Variants in MBD3 observed in about 807,000 individuals in gnomAD.
MBD3 encodes the protein methyl-CpG binding domain protein 3, also known as methyl-CpG-binding domain protein 3.
A neutral mutation model predicts 31.2 loss-of-function variants in MBD3; 13 were observed. The ratio of observed to expected loss-of-function variants is 0.42; its 90% CI spans 0.27 to 0.66. MBD3 has a LOEUF of 0.66. Ranked by LOEUF, MBD3 falls within the 30% of genes least tolerant of loss-of-function variation. MBD3 has a pLI of 0.26. For synonymous variants in MBD3, 223 were observed against 187.4 expected, an observed-to-expected ratio of 1.19 and a Z score of -1.55; for missense variants, 440 against 426.5, an observed-to-expected ratio of 1.03 and a Z score of -0.28.
At chr19:1,591,832 A>G (rs959287990) in intron 1 of MBD3, among the ~76,000 whole-genome samples, 4 of 151,732 alleles carry the variant, frequency 2.6e-5, no homozygotes, top group Admixed American at 6.6e-5. Flanking sequence ...CAATTTGGGG[A>G]CGGGGGGGTC....
intron 3 of MBD3, among the ~76,000 whole-genome samples, chr19:1,582,995 G>A (rs1012798674): frequency 1.1e-4 from 16 of 152,156 alleles, no homozygotes; most frequent in Non-Finnish European, 1.9e-4. Context: ...CCTGAGGTCA[G>A]GAGTTTGAGA....
In MBD3 at chr19:1,578,234, A is replaced by G; in HGVS notation, c.*6-76T>C. ...CTTGGGCTCTTCTAGGGAGATGGGA[A>G]GCTCTTGGGAGGCACCCGTCATCCC... On this transcript the variant is annotated intron_variant, in intron 6 of 6. Coordinates refer to ENST00000434436, the MANE Select transcript of MBD3 (RefSeq NM_001281453.2). The surrounding 1 kb of genome is among the most constrained non-coding windows in gnomAD (Gnocchi z 6.1). The G allele has an allele frequency of 6.5e-7, 1 of 1,547,118 alleles. No homozygotes were observed. The highest frequency in any genetic ancestry group is 8.8e-7 in the Non-Finnish European group (1 of 1,138,810).
chr19:1,591,713 G>A lies in MBD3; in HGVS notation c.110+809C>T, dbSNP rs973831326. On this transcript the variant is annotated intron_variant, in intron 1 of 6. Coordinates refer to ENST00000434436, the MANE Select transcript of MBD3 (RefSeq NM_001281453.2). Reference sequence around the variant, plus strand: ...CCCGAGCCAGGAAAAAAAAAAAAAAGAGGACAAACAGCAGGTGGCCGACTG... The same window carrying A: ...CCCGAGCCAGGAAAAAAAAAAAAAAAAGGACAAACAGCAGGTGGCCGACTG... Among the ~76,000 whole-genome samples the A allele has an allele frequency of 1.4e-3, 219 of 151,226 alleles. 1 individual carries two copies. The highest frequency in any genetic ancestry group is 5.1e-3 in the African/African-American group (209 of 41,284).
chr19:1,592,687 TCGCCGC>T lies in MBD3; in HGVS notation c.-62_-57del. The T allele has an allele frequency of 1.6e-6, 1 of 642,176 alleles. No individual in the cohort carries two copies. The highest frequency in any genetic ancestry group is 2.0e-6 in the Non-Finnish European group (1 of 501,356). The allele number at this position is 642,176 out of a possible 1,614,324, so 39.8% of individuals were successfully genotyped here. A position where few individuals can be genotyped will look rare whatever the true frequency, so the allele number is the denominator to read the frequency against. Reference sequence around the variant, plus strand: ...CCGCCGCCGCCGCCCGGACCCCCACTCGCCGCCGCCGCCTCAGCTGCCTCCGCTGCC... The same window carrying T: ...CCGCCGCCGCCGCCCGGACCCCCACTCGCCGCCTCAGCTGCCTCCGCTGCC... On this transcript the variant is annotated 5_prime_UTR_variant, in exon 1 of 7. Transcript: ENST00000434436.
chr19:1,583,549 GA>G (rs899124986), intron 3 of MBD3, among the ~76,000 whole-genome samples: 65 of 151,702 alleles, frequency 4.3e-4, no homozygotes, highest in Admixed American at 1.4e-3. Context: ...TATTTGGGGG[GA>G]AAAAAAATAA....
chr19:1,592,533 G>T lies in MBD3; in HGVS notation c.99C>A (p.Val33=). ...RSGLSAGHRD[V]FYYSPSGKKF... ...GCGCGCTCATTCACCTATAGTAAAA[G>T]ACATCCCTGTGGCCGGCCGACAGCC... Residue 33 remains valine, a synonymous_variant, in exon 1 of 7, where the codon GTC becomes GTA. Transcript: ENST00000434436. 1 of 1,430,976 alleles carries T rather than the reference G, an allele frequency of 7.0e-7. No homozygotes were observed. The highest frequency in any genetic ancestry group is 9.4e-7 in the Non-Finnish European group (1 of 1,068,214). 88.6% of individuals were successfully genotyped at this position (1,430,976 alleles called of 1,614,324 possible).
rs139676994 is a variant in MBD3, at chr19:1,592,608, G to A, written c.24C>T (p.Cys8=). MERKRWE[C]PALPQGWERE... is the part of the protein sequence containing the mutation. ...TCTCCCAGCCCTGCGGGAGCGCCGG[G>A]CACTCCCACCTCTTCCGCTCCATTG... The change falls in exon 1 of 7, where the codon TGC becomes TGT. Residue 8 remains cysteine (C), a synonymous_variant. Transcript: ENST00000434436. The A allele has an allele frequency of 5.2e-5, 73 of 1,397,732 alleles. No individual in the cohort carries two copies. The African/African-American group carries it at 6.3e-4, about 12-fold the overall frequency. 86.6% of individuals were successfully genotyped at this position (1,397,732 alleles called of 1,614,324 possible).
In MBD3 at chr19:1,582,707, G is replaced by A; in HGVS notation, c.414C>T (p.Phe138=). 1 of 1,613,372 alleles carries A rather than the reference G, an allele frequency of 6.2e-7. No individual in the cohort carries two copies. Among genetic ancestry groups the A allele is most frequent in the Non-Finnish European group, 8.5e-7 (1 of 1,179,706 alleles). ...QKAVDQPRQL[F]WEKKLSGLNA... ...TCAGGCCGCTCAGCTTCTTCTCCCA[G>A]AAGAGCTGCCCCAGACACATATGTG... Residue 138 remains phenylalanine (F), a synonymous_variant, in exon 4 of 7, where the codon TTC becomes TTT. Transcript: ENST00000434436.
At chr19:1,580,681 G>A (rs980675147) in intron 5 of MBD3, among the ~76,000 whole-genome samples, 4 of 152,160 alleles carry the variant, frequency 2.6e-5, no homozygotes, top group Middle Eastern at 3.2e-3. Context: ...GTTTCTGAGC[G>A]GCCGTGTTCC....
Position 1,585,568 on chromosome 19 carries a change from CCCACCG to C in MBD3, c.111-360_111-355del. 3.1e-6 allele frequency: 1 copy of C among 318,678 alleles called. No individual in the cohort carries two copies. Among genetic ancestry groups the C allele is most frequent in the Non-Finnish European group, 6.0e-6 (1 of 166,686 alleles). 19.7% of individuals were successfully genotyped at this position (318,678 alleles called of 1,614,324 possible). ...CAACCCCGGTCCCCTCTGAATCCTC[CCCACCG>C]TAGGCCCTGGCAGCGTCAGGCACAG... On this transcript the variant is annotated intron_variant, in intron 1 of 6. Coordinates refer to ENST00000434436, the MANE Select transcript of MBD3 (RefSeq NM_001281453.2). The surrounding 1 kb of genome is among the most constrained non-coding windows in gnomAD (Gnocchi z 4.1).
Position 1,578,259 on chromosome 19 carries a change from C to T in MBD3, c.*5+76G>A. 6.3e-7 allele frequency: 1 copy of T among 1,590,800 alleles called. No individual in the cohort carries two copies. The highest frequency in any genetic ancestry group is 8.5e-7 in the Non-Finnish European group (1 of 1,174,614). Reference sequence around the variant, plus strand: ...AGCTCTTGGGAGGCACCCGTCATCCCAAGCACATCTGTGTTCACCAGGCAG... The same window carrying T: ...AGCTCTTGGGAGGCACCCGTCATCCTAAGCACATCTGTGTTCACCAGGCAG... On this transcript the variant is annotated intron_variant, in intron 6 of 6. Coordinates refer to ENST00000434436, the MANE Select transcript of MBD3 (RefSeq NM_001281453.2). This position sits in a 1 kb window ranked among gnomAD's most constrained non-coding sequence, Gnocchi z 6.1.
rs1338364669 is a variant in MBD3 at position 1,577,004 on chromosome 19, A to C, written c.*1160T>G. On this transcript the variant is annotated 3_prime_UTR_variant, in exon 7 of 7. Transcript: ENST00000434436. ...GCCCCATCAGGGATGGTCACAGTCC[A>C]GCCACAGGGGCGACTCTGCCCATCA... 1 of 152,380 alleles carries C rather than the reference A, an allele frequency of 6.6e-6. No individual in the cohort carries two copies. Among genetic ancestry groups the C allele is most frequent in the Non-Finnish European group, 1.5e-5 (1 of 68,128 alleles). 9.4% of individuals were successfully genotyped at this position (152,380 alleles called of 1,614,324 possible).
intron 1 of MBD3, among the ~76,000 whole-genome samples, chr19:1,588,125 C>CA (rs2060687545): frequency 1.3e-5 from 2 of 152,164 alleles, no homozygotes; most frequent in Admixed American, 6.5e-5. Context: ...TATTTCTCTC[C>CA]ACCCCTGCCC....
At chr19:1,587,867 TGTTTTCCC>T (rs145343704) in intron 1 of MBD3, among the ~76,000 whole-genome samples, 9,156 of 152,298 alleles carry the variant, frequency 0.06, 419 homozygotes, top group Non-Finnish European at 0.09. Flanking sequence ...TCTGTTTTGC[TGTTTTCCC>T]GTTTTCCCAG....
chr19:1,591,444 A>G (rs978930172), intron 1 of MBD3, among the ~76,000 whole-genome samples: 7 of 152,210 alleles, frequency 4.6e-5, no homozygotes, highest in Non-Finnish European at 7.3e-5. Flanking sequence ...TGCACAGTGG[A>G]CGGAGCGGTC....
chr19:1,581,968 C>T (rs1028293039), intron 4 of MBD3, among the ~76,000 whole-genome samples: 6 of 152,096 alleles, frequency 3.9e-5, no homozygotes, highest in Admixed American at 1.3e-4. Context: ...AGGGTTTCAC[C>T]ATGTTAGCCA....
intron 1 of MBD3, among the ~76,000 whole-genome samples, chr19:1,589,309 A>G (rs546397981): frequency 7.4e-6 from 1 of 134,894 alleles, no homozygotes; most frequent in South Asian, 2.3e-4. Flanking sequence ...GCAACATTGC[A>G]CTCTAGCCTG....
rs1265140342 is a variant in MBD3 at position 1,578,686 on chromosome 19, C to A, written c.678-148G>T. ...ACCAGCCCTGGCCCGTGCCACCCCT[C>A]CCTTCACAATCCACGCAGAGAATGA... On this transcript the variant is annotated intron_variant, in intron 5 of 6. Transcript: ENST00000434436. This position sits in a 1 kb window ranked among gnomAD's most constrained non-coding sequence, Gnocchi z 6.1. The A allele has an allele frequency of 5.9e-6, 9 of 1,513,148 alleles. No individual in the cohort carries two copies. The highest frequency in any genetic ancestry group is 1.4e-5 in the African/African-American group (1 of 73,016). 93.7% of individuals were successfully genotyped at this position (1,513,148 alleles called of 1,614,324 possible). A position where few individuals can be genotyped will look rare whatever the true frequency, so the allele number is the denominator to read the frequency against.
chr19:1,588,221 C>T lies in MBD3; in HGVS notation c.111-3007G>A, dbSNP rs374104551. 5.9e-5 allele frequency among the ~76,000 whole-genome samples: 9 copies of T among 152,340 alleles called. No individual in the cohort carries two copies. The East Asian group carries it at 7.7e-4, about 13-fold the overall frequency. On this transcript the variant is annotated intron_variant, in intron 1 of 6. Coordinates refer to ENST00000434436, the MANE Select transcript of MBD3 (RefSeq NM_001281453.2). ...AGGACAGGACGCCTCAGGGAGGGCA[C>T]GAGGACAAGTGCCTGGGGGTCTGAA... is the stretch of plus-strand genomic sequence containing the variant.
Sources: allele counts gnomAD v4.1 joint callset (sites outside exome capture counted in the v4.1 genomes callset), GRCh38; gene constraint gnomAD v4.1.1; non-coding constraint Gnocchi (gnomAD v3.1); transcripts MANE v1.5; gene names NCBI Gene and HGNC (gene_info 2026-07-23, HGNC 2026-07-21).